The following NRXN3 variants were observed in gnomAD, a reference collection of about 807,000 sequenced individuals.
The protein encoded by NRXN3 is neurexin III.
NRXN3 carries 32 observed loss-of-function variants against 137.6 expected under a neutral mutation model. The ratio of observed to expected loss-of-function variants is 0.23; its 90% CI spans 0.18 to 0.31. The LOEUF (loss-of-function observed/expected upper bound fraction) is 0.31, where lower values mean the gene tolerates loss of function less well. Among genes scored for constraint, NRXN3 ranks in the 10% least tolerant of loss-of-function variants. The pLI is 1.00. For missense variants in NRXN3, 1,574 were observed against 2,062.5 expected, an observed-to-expected ratio of 0.76 and a Z score of 4.59; for synonymous variants, 798 against 784.5, an observed-to-expected ratio of 1.02 and a Z score of -0.29.
At chr14:78,345,489 G>T (rs555915368) in intron 4 of NRXN3, among the ~76,000 whole-genome samples, 1 of 152,234 alleles carries the variant, frequency 6.6e-6, no homozygotes, top group Admixed American at 6.5e-5. Context: ...TTAAGTGGTA[G>T]CAGCTGCAGA....
chr14:79,263,992 A>G (rs1373388760), intron 15 of NRXN3, among the ~76,000 whole-genome samples: 1 of 152,224 alleles, frequency 6.6e-6, no homozygotes, highest in East Asian at 1.9e-4. Context: ...AAATGTCATT[A>G]TTATTACCAA....
intron 8 of NRXN3, among the ~76,000 whole-genome samples, chr14:78,729,737 C>T (rs2098505632): frequency 6.6e-6 from 1 of 152,146 alleles, no homozygotes; most frequent in South Asian, 2.1e-4. Context: ...AATGCACAGA[C>T]ACAAATTCTT....
chr14:78,664,899 C>A (rs145023141), intron 6 of NRXN3, among the ~76,000 whole-genome samples: 1 of 152,282 alleles, frequency 6.6e-6, no homozygotes, highest in African/African-American at 2.4e-5. Context: ...TATTTGTGAA[C>A]ATCAGTGATA....
intron 15 of NRXN3, among the ~76,000 whole-genome samples, chr14:79,129,406 T>C (rs1164421492): frequency 6.6e-6 from 1 of 151,288 alleles, no homozygotes; most frequent in African/African-American, 2.5e-5. Context: ...TCAAAGAACA[T>C]GTTTATTTCT....
At chr14:78,908,012 A>G (rs568587565) in intron 10 of NRXN3, among the ~76,000 whole-genome samples, 1 of 152,062 alleles carries the variant, frequency 6.6e-6, no homozygotes, top group African/African-American at 2.4e-5. Context: ...CATGGTGTAT[A>G]TGTACCACAT....
intron 15 of NRXN3, chr14:79,247,367 A>G (rs1280452229): frequency 2.0e-5 from 3 of 152,138 alleles, no homozygotes; most frequent in East Asian, 3.9e-4. Context: ...GAAGAGGTTA[A>G]GTGAAAATTA....
chr14:78,524,739 C>T (rs1192433152), intron 4 of NRXN3, among the ~76,000 whole-genome samples: 3 of 152,048 alleles, frequency 2.0e-5, no homozygotes, highest in Non-Finnish European at 2.9e-5. Flanking sequence ...CAACCTCTCT[C>T]AGCACAATTT....
intron 16 of NRXN3, among the ~76,000 whole-genome samples, chr14:79,499,925 G>A (rs1745523862): frequency 1.3e-5 from 2 of 150,326 alleles, no homozygotes; most frequent in African/African-American, 4.9e-5. Context: ...TAGGCCCCCT[G>A]TGTTTGGTTT....
chr14:79,589,052 C>T (rs1408361675), intron 16 of NRXN3, among the ~76,000 whole-genome samples: 3 of 152,046 alleles, frequency 2.0e-5, no homozygotes, highest in African/African-American at 4.8e-5. Context: ...CCCAGGAATT[C>T]GAGACTAGCC....
At chr14:78,217,537 A>C (rs1252147419) in intron 1 of NRXN3, among the ~76,000 whole-genome samples, 2 of 152,218 alleles carry the variant, frequency 1.3e-5, no homozygotes, top group Non-Finnish European at 2.9e-5. Flanking sequence ...GAGAAGAATA[A>C]TCATGATATT....
At chr14:79,827,733 C>T (rs142269694) in intron 20 of NRXN3, among the ~76,000 whole-genome samples, 4,767 of 148,838 alleles carry the variant, frequency 0.032, 252 homozygotes, top group African/African-American at 0.11. Context: ...TCACTCTTGT[C>T]GCCCAGGCTG....
chr14:79,227,739 C>CT (rs1350838258), intron 15 of NRXN3, among the ~76,000 whole-genome samples: 3 of 63,790 alleles, frequency 4.7e-5, no homozygotes, highest in Non-Finnish European at 6.4e-5. Flanking sequence ...TCTCCTTTCT[C>CT]TCCTTCCTTC....
chr14:78,434,940 C>T (rs2094011360), intron 4 of NRXN3, among the ~76,000 whole-genome samples: 1 of 152,200 alleles, frequency 6.6e-6, no homozygotes, highest in South Asian at 2.1e-4. Flanking sequence ...TGCTAGTTGT[C>T]TAGAGACAAC....
Position 78,243,771 on chromosome 14 carries a change from C to T in NRXN3, c.678C>T (p.Thr226=), listed in dbSNP as rs376174039. 264 of 1,592,986 alleles carry T rather than the reference C, an allele frequency of 1.7e-4. No individual in the cohort carries two copies. The highest frequency in any genetic ancestry group is 2.2e-4 in the Non-Finnish European group (258 of 1,176,880). The change falls in exon 2 of 21, where the codon ACC becomes ACT. Residue 226 remains threonine (T), a synonymous_variant. Coordinates refer to ENST00000335750, the MANE Select transcript of NRXN3 (RefSeq NM_001330195.2). This position sits in a 1 kb window ranked among gnomAD's most constrained non-coding sequence, Gnocchi z 4.2. ...GCCACCCCACCTGTGACTGTTCTACCACTGGCTATGGTGGCAAGCTCTGCT... is the reference window on the plus strand; with the variant it reads ...GCCACCCCACCTGTGACTGTTCTACTACTGGCTATGGTGGCAAGCTCTGCT... ...LDGHPTCDCS[T]TGYGGKLCSE...
chr14:78,248,091 A>T (rs1421453446), intron 2 of NRXN3, among the ~76,000 whole-genome samples: 1 of 152,224 alleles, frequency 6.6e-6, no homozygotes, highest in Non-Finnish European at 1.5e-5. Flanking sequence ...CTACTGACAA[A>T]GAAAAAGTTG....
chr14:78,570,565 T>C (rs1220218002), intron 4 of NRXN3, among the ~76,000 whole-genome samples: 1 of 152,136 alleles, frequency 6.6e-6, no homozygotes, highest in East Asian at 1.9e-4. Context: ...ATAAGCCCAT[T>C]ATGCAATTCT....
intron 8 of NRXN3, among the ~76,000 whole-genome samples, chr14:78,777,055 G>A (rs1427702344): frequency 6.6e-6 from 1 of 152,156 alleles, no homozygotes; most frequent in Non-Finnish European, 1.5e-5. Context: ...GGCCATTCAT[G>A]TACATATATT....
At chr14:79,126,622 C>A (rs1463202965) in intron 15 of NRXN3, among the ~76,000 whole-genome samples, 1 of 152,046 alleles carries the variant, frequency 6.6e-6, no homozygotes, top group African/African-American at 2.4e-5. Flanking sequence ...GTGAATAATG[C>A]CGCAATAAAC....
intron 4 of NRXN3, among the ~76,000 whole-genome samples, chr14:78,539,353 G>A (rs908590711): frequency 1.3e-5 from 2 of 152,198 alleles, no homozygotes; most frequent in East Asian, 3.8e-4. Context: ...GAGGGTATAT[G>A]TGTCCAGGAA....
Sources: gnomAD v4.1 joint callset for allele counts (sites outside exome capture counted in the v4.1 genomes callset) on GRCh38, gnomAD v4.1.1 for gene constraint, Gnocchi (gnomAD v3.1) non-coding constraint, MANE v1.5 for transcripts, NCBI Gene and HGNC (gene_info 2026-07-23, HGNC 2026-07-21) for gene names.